Variants in FRRS1 observed in about 807,000 individuals in gnomAD.
FRRS1 encodes the protein ferric reductase 1.
A neutral mutation model predicts 70.7 loss-of-function variants in FRRS1; 51 were observed. The observed-to-expected ratio is 0.72, with a 90% CI of 0.58 to 0.91. FRRS1 has a LOEUF of 0.91. Among genes scored for constraint, FRRS1 ranks in the 40% least tolerant of loss-of-function variants. FRRS1 has a pLI of 0.00. For synonymous variants in FRRS1, 225 were observed against 238.7 expected, an observed-to-expected ratio of 0.94 and a Z score of 0.53; for missense variants, 672 against 726.0, an observed-to-expected ratio of 0.93 and a Z score of 0.86.
chr1:99,749,110 A>G (rs1221991810), intron 1 of FRRS1, 109 bp from the exon 2 acceptor site: 4 of 183,580 alleles, frequency 2.2e-5, no homozygotes, highest in Non-Finnish European at 1.1e-5. Flanking sequence ...ATCTCGGCTC[A>G]CTGCAACCTC....
chr1:99,721,364 G>A (rs12755979), intron 9 of FRRS1, among the ~76,000 whole-genome samples: 3,118 of 149,442 alleles, frequency 0.021, 70 homozygotes, highest in South Asian at 0.098. Context: ...TCTAGACTGC[G>A]AGATAGAGCA....
At chr1:99,762,045 A>C (rs192749643) in intron 1 of FRRS1, among the ~76,000 whole-genome samples, 2 of 152,298 alleles carry the variant, frequency 1.3e-5, no homozygotes, top group Admixed American at 1.3e-4. Context: ...GAGAGGTGAA[A>C]AGTATGGTCT....
At chr1:99,744,403 A>G (rs7551243) in intron 4 of FRRS1, among the ~76,000 whole-genome samples, 75,177 of 152,056 alleles carry the variant, frequency 0.49, 22,599 homozygotes, top group African/African-American at 0.85. Context: ...GCTTCTATTG[A>G]CCAAGAGGCA....
At chr1:99,718,836 T>G (rs1331874783) in intron 10 of FRRS1, among the ~76,000 whole-genome samples, 4 of 152,172 alleles carry the variant, frequency 2.6e-5, no homozygotes, top group Admixed American at 1.3e-4. Flanking sequence ...TAGCATTTAT[T>G]TTAATAAATG....
intron 1 of FRRS1, among the ~76,000 whole-genome samples, chr1:99,763,304 T>TAACC (rs1571165563): frequency 1.3e-5 from 2 of 152,152 alleles, no homozygotes; most frequent in South Asian, 4.1e-4. Context: ...GGAATTTGGT[T>TAACC]AAATTCCTGT....
rs534649031 is a variant in FRRS1, at chr1:99,714,376, G to GT, written c.1323+1209dup. On this transcript the variant is annotated intron_variant, in intron 12 of 16. Coordinates refer to ENST00000646001, the MANE Select transcript of FRRS1 (RefSeq NM_001361041.2). ...TTTTAGTGTTTTTGGTAGAGATGGG[G>GT]TTTCACAATATCAGTCAGGCTGGTC... Among the ~76,000 whole-genome samples the GT allele has an allele frequency of 3.9e-5, 6 of 152,214 alleles. No individual in the cohort carries two copies. In the East Asian group the frequency reaches 1.2e-3, roughly 29 times the overall value.
intron 1 of FRRS1, among the ~76,000 whole-genome samples, chr1:99,765,122 CAGAG>C (rs759448986): frequency 1.8e-4 from 27 of 152,252 alleles, no homozygotes; most frequent in Non-Finnish European, 7.4e-5. Flanking sequence ...AGGTGTGAAA[CAGAG>C]AGTACACTTC....
rs1192921627 is a variant in FRRS1 at position 99,707,859 on chromosome 1, A to G, written c.*1169T>C. ...TTCAGTAGAACATAAAAAATGTCTA[A>G]CAAAACAGAACCAGACACATTATAT... On this transcript the variant is annotated 3_prime_UTR_variant, in exon 17 of 17. Coordinates refer to ENST00000646001, the MANE Select transcript of FRRS1 (RefSeq NM_001361041.2). Among the ~76,000 whole-genome samples the G allele has an allele frequency of 6.6e-6, 1 of 152,242 alleles. No homozygotes were observed. The highest frequency in any genetic ancestry group is 1.5e-5 in the Non-Finnish European group (1 of 68,034).
intron 9 of FRRS1, among the ~76,000 whole-genome samples, chr1:99,728,167 T>C (rs903002898): frequency 6.6e-6 from 1 of 152,246 alleles, no homozygotes; most frequent in Non-Finnish European, 1.5e-5. Context: ...CCCTGCAATG[T>C]TAATCTACTA....
chr1:99,728,436 A>C, intron 9 of FRRS1, 57 bp downstream of exon 9: 1 of 1,402,058 alleles, frequency 7.1e-7, no homozygotes, highest in East Asian at 2.4e-5. Flanking sequence ...AATGGGGGAA[A>C]GAGAGGGAAG....
chr1:99,754,489 GAGAGAGAGAGAGAGAGAA>G, intron 1 of FRRS1, among the ~76,000 whole-genome samples: 1 of 105,324 alleles, frequency 9.5e-6, no homozygotes, highest in African/African-American at 5.0e-5. Context: ...TTGTCTCAAA[GAGAGAGAGAGAGAGAGAA>G]AGAGAGAGAG....
At chr1:99,710,051 G>T (rs1422716010) in intron 15 of FRRS1, among the ~76,000 whole-genome samples, 1 of 152,122 alleles carries the variant, frequency 6.6e-6, no homozygotes, top group African/African-American at 2.4e-5. Flanking sequence ...GCCTATCAAG[G>T]ATCAAAAGTA....
Position 99,707,911 on chromosome 1 carries a change from A to G in FRRS1, c.*1117T>C, listed in dbSNP as rs963593497. ...ATTTCTACAAGTAAACAGAATATCT[A>G]TTAGATATGTTCACAAGGGTTTTAT... On this transcript the variant is annotated 3_prime_UTR_variant, in exon 17 of 17. Transcript: ENST00000646001. 2.6e-5 allele frequency among the ~76,000 whole-genome samples: 4 copies of G among 152,256 alleles called. No individual in the cohort carries two copies. The highest frequency in any genetic ancestry group is 9.6e-5 in the African/African-American group (4 of 41,464).
At chr1:99,750,114 G>A (rs770567465) in intron 1 of FRRS1, among the ~76,000 whole-genome samples, 22 of 152,148 alleles carry the variant, frequency 1.4e-4, no homozygotes, top group African/African-American at 5.3e-4. Flanking sequence ...CCTGGAGGAT[G>A]GGAAATACCC....
intron 9 of FRRS1, among the ~76,000 whole-genome samples, chr1:99,726,384 A>G (rs1443557371): frequency 1.3e-5 from 2 of 152,174 alleles, no homozygotes; most frequent in Admixed American, 6.5e-5. Context: ...TAATACAGAC[A>G]CCAAAAGAAG....
At chr1:99,721,389 T>TAAAA (rs761285446) in intron 9 of FRRS1, among the ~76,000 whole-genome samples, 1 of 65,722 alleles carries the variant, frequency 1.5e-5, no homozygotes, top group Non-Finnish European at 3.3e-5. Flanking sequence ...TCCGTCTCAA[T>TAAAA]AAAAAAAAAA....
At chr1:99,710,228 G>A (rs1342224892) in intron 15 of FRRS1, among the ~76,000 whole-genome samples, 1 of 152,114 alleles carries the variant, frequency 6.6e-6, no homozygotes, top group Non-Finnish European at 1.5e-5. Flanking sequence ...CTAGAATCCA[G>A]GCTAAATGAT....
chr1:99,723,233 T>A (rs1210190406), intron 9 of FRRS1, among the ~76,000 whole-genome samples: 1 of 152,368 alleles, frequency 6.6e-6, no homozygotes, highest in African/African-American at 2.4e-5. Flanking sequence ...TAACTTGCTC[T>A]AAAATTGCAT....
At chr1:99,750,158 T>G (rs1040694071) in intron 1 of FRRS1, among the ~76,000 whole-genome samples, 3 of 152,142 alleles carry the variant, frequency 2.0e-5, no homozygotes, top group Admixed American at 6.5e-5. Flanking sequence ...CTGTTTCACT[T>G]AAGTGGGGGA....
Sources: allele counts gnomAD v4.1 joint callset (sites outside exome capture counted in the v4.1 genomes callset), GRCh38; gene constraint gnomAD v4.1.1; transcripts MANE v1.5; gene names NCBI Gene and HGNC (gene_info 2026-07-23, HGNC 2026-07-21).